PHTF2: variants seen among roughly 807,000 people sequenced by gnomAD.
The protein encoded by PHTF2 is protein PHTF2.
Under a neutral mutation model 101.2 loss-of-function variants are expected in PHTF2, and 60 were observed. That is an observed-to-expected ratio of 0.59 (90% CI 0.48 to 0.73). The LOEUF (loss-of-function observed/expected upper bound fraction) is 0.73, where lower values mean the gene tolerates loss of function less well. PHTF2 is among the 30% of genes least tolerant of loss of function. The pLI is 0.00. For synonymous variants in PHTF2, 311 were observed against 307.3 expected, an observed-to-expected ratio of 1.01 and a Z score of -0.13; for missense variants, 747 against 908.7, an observed-to-expected ratio of 0.82 and a Z score of 2.29.
At chr7:77,954,787 G>C in intron 19 of PHTF2, 71 bp from the exon 19 acceptor site, 1 of 802,868 alleles carries the variant, frequency 1.2e-6, no homozygotes. Context: ...TTTAAAAATG[G>C]TGTTATATGA....
At chr7:77,880,441 G>T (rs190998996) in intron 3 of PHTF2, among the ~76,000 whole-genome samples, 2 of 152,202 alleles carry the variant, frequency 1.3e-5, no homozygotes, top group Admixed American at 6.5e-5. Flanking sequence ...TCTCTCTCAA[G>T]ATCTTTATTC....
chr7:77,865,233 C>CT (rs879874926), intron 3 of PHTF2, among the ~76,000 whole-genome samples: 75 of 144,894 alleles, frequency 5.2e-4, no homozygotes, highest in Admixed American at 1.9e-3. Context: ...CCTCTTTTTT[C>CT]TTTTTTTTTT....
At chr7:77,801,685 T>C (rs1448272081) in intron 1 of PHTF2, among the ~76,000 whole-genome samples, 1 of 152,254 alleles carries the variant, frequency 6.6e-6, no homozygotes. Context: ...GCTATTTGTA[T>C]AAGGTGTAAA....
chr7:77,952,633 A>G (rs1806649074), intron 18 of PHTF2, among the ~76,000 whole-genome samples: 1 of 152,234 alleles, frequency 6.6e-6, no homozygotes, highest in Non-Finnish European at 1.5e-5. Flanking sequence ...TTTGCTTGAC[A>G]CATGTATATT....
chr7:77,935,505 G>A (rs938908490), intron 12 of PHTF2, among the ~76,000 whole-genome samples: 2 of 152,182 alleles, frequency 1.3e-5, no homozygotes, highest in Admixed American at 6.5e-5. Context: ...GATTACAGGC[G>A]TGAGCCACCG....
chr7:77,878,758 G>A (rs1252697948), intron 3 of PHTF2, among the ~76,000 whole-genome samples: 4 of 152,138 alleles, frequency 2.6e-5, no homozygotes, highest in Non-Finnish European at 4.4e-5. Context: ...TTCAGTGATT[G>A]ATTTACTGAT....
At chr7:77,948,351 G>A (rs1373350076) in intron 16 of PHTF2, among the ~76,000 whole-genome samples, 1 of 152,020 alleles carries the variant, frequency 6.6e-6, no homozygotes, top group Non-Finnish European at 1.5e-5. Flanking sequence ...TTACATAATG[G>A]AAATATGAGG....
chr7:77,868,872 A>G (rs1458322883), intron 3 of PHTF2, among the ~76,000 whole-genome samples: 2 of 152,236 alleles, frequency 1.3e-5, no homozygotes, highest in Admixed American at 6.5e-5. Flanking sequence ...TTTTTGAGAA[A>G]GTTCTAGCAC....
rs375552258 is a variant in PHTF2 at position 77,953,792 on chromosome 7, A to G, written c.2235A>G (p.Leu745=). The G allele has an allele frequency of 2.1e-5, 34 of 1,613,302 alleles. No individual in the cohort carries two copies. In the African/African-American group the frequency reaches 4.5e-4, roughly 22 times the overall value. The change falls in exon 19 of 20, where the codon TTA becomes TTG. Residue 745 remains leucine (L), a synonymous_variant. Coordinates refer to ENST00000416283, the Ensembl canonical transcript of PHTF2. The stretch of plus-strand genomic sequence containing the variant: ...AGGAGTTGGACAGTCCTTTTAGATT[A>G]TATGGGCTTACAATGAATCCGCTGC...
chr7:77,811,343 A>G (rs767226328), intron 1 of PHTF2, among the ~76,000 whole-genome samples: 7 of 152,222 alleles, frequency 4.6e-5, no homozygotes, highest in East Asian at 3.8e-4. Context: ...GGTATCTGCC[A>G]GGTTTCTACA....
Position 77,951,422 on chromosome 7 carries a change from C to T in PHTF2, c.2116-195C>T, listed in dbSNP as rs182097433. ...TCTTTTTTATTTTGGCTTTTGATTACATTTCAAAAGTGTTTGAGAAACAGT... is the reference window on the plus strand; with the variant it reads ...TCTTTTTTATTTTGGCTTTTGATTATATTTCAAAAGTGTTTGAGAAACAGT... On this transcript the variant is annotated intron_variant, in intron 17 of 19. Transcript: ENST00000416283. 4.1e-4 allele frequency among the ~76,000 whole-genome samples: 62 copies of T among 152,076 alleles called. 1 individual carries two copies. The highest frequency in any genetic ancestry group is 6.3e-4 in the Non-Finnish European group (43 of 67,990).
intron 3 of PHTF2, among the ~76,000 whole-genome samples, chr7:77,873,411 T>G (rs551326614): frequency 1.0e-3 from 154 of 152,258 alleles, no homozygotes; most frequent in African/African-American, 3.5e-3. Flanking sequence ...ACTCAAGCAG[T>G]TCTTTTTGAG....
chr7:77,810,469 CTA>C (rs1793348527), intron 1 of PHTF2, among the ~76,000 whole-genome samples: 2 of 152,170 alleles, frequency 1.3e-5, no homozygotes, highest in Admixed American at 6.5e-5. Flanking sequence ...ACACTTGAAC[CTA>C]TGTTTTATTT....
intron 12 of PHTF2, among the ~76,000 whole-genome samples, chr7:77,930,547 A>G (rs1804472167): frequency 6.6e-6 from 1 of 152,036 alleles, no homozygotes; most frequent in African/African-American, 2.4e-5. Flanking sequence ...AAGTCAGAAA[A>G]CTCGAGAAAA....
chr7:77,916,804 G>A (rs1253095635), intron 9 of PHTF2, among the ~76,000 whole-genome samples: 1 of 152,058 alleles, frequency 6.6e-6, no homozygotes, highest in African/African-American at 2.4e-5. Context: ...TTATTATACT[G>A]TATTGCTTAG....
intron 1 of PHTF2, among the ~76,000 whole-genome samples, chr7:77,829,012 G>T (rs1332116325): frequency 6.6e-6 from 1 of 151,828 alleles, no homozygotes; most frequent in African/African-American, 2.4e-5. Context: ...GGCCCCACAA[G>T]AAGTTAAAAA....
chr7:77,826,037 T>G (rs953660257), intron 1 of PHTF2, among the ~76,000 whole-genome samples: 13 of 152,090 alleles, frequency 8.5e-5, no homozygotes, highest in African/African-American at 2.9e-4. Context: ...GAAAAAAATA[T>G]GAAATGATTA....
At chr7:77,949,075 C>T (rs1806318516) in intron 16 of PHTF2, among the ~76,000 whole-genome samples, 1 of 151,678 alleles carries the variant, frequency 6.6e-6, no homozygotes, top group Admixed American at 6.6e-5. Context: ...GTTTTACTGG[C>T]CAATAAATTG....
chr7:77,954,925 C>G, exon 20 of PHTF2: 1 of 1,046,790 alleles, frequency 9.6e-7, no homozygotes, highest in Non-Finnish European at 1.4e-6. Context: ...AATAAGAGTA[C>G]TGACTAAGCT....
Sources: gnomAD v4.1 joint callset for allele counts (sites outside exome capture counted in the v4.1 genomes callset) on GRCh38, gnomAD v4.1.1 for gene constraint, MANE v1.5 for transcripts, NCBI Gene and HGNC (gene_info 2026-07-23, HGNC 2026-07-21) for gene names.